Variants in CSMD1 observed in about 807,000 individuals in gnomAD.
The protein encoded by CSMD1 is CUB and Sushi multiple domains 1, also known as CUB and sushi domain-containing protein 1.
Under a neutral mutation model 417.5 loss-of-function variants are expected in CSMD1, and 213 were observed. That is an observed-to-expected ratio of 0.51 (90% CI 0.46 to 0.57). CSMD1 has a LOEUF of 0.57. CSMD1 is among the 20% of genes least tolerant of loss of function. The probability of loss-of-function intolerance (pLI) is 0.00; values close to 1 mark genes in which losing one functional copy is unlikely to be tolerated. For synonymous variants in CSMD1, 2,862 were observed against 1,736.8 expected (o/e 1.65, Z -16.11); for missense variants, 6,923 against 4,529.7 (o/e 1.53, Z -15.17).
rs1019595083 is a variant in CSMD1 at position 3,154,760 on chromosome 8, T to C, written c.5914+3137A>G. ...GTTAAATTCTGAGAACACTGCTTGATATATTAACCTCTAGAGAAGTGGTTT... is the reference window on the plus strand; with the variant it reads ...GTTAAATTCTGAGAACACTGCTTGACATATTAACCTCTAGAGAAGTGGTTT... On this transcript the variant is annotated intron_variant, in intron 39 of 69. Coordinates refer to ENST00000635120, the MANE Select transcript of CSMD1 (RefSeq NM_033225.6). Among the ~76,000 whole-genome samples the C allele has an allele frequency of 1.1e-4, 16 of 152,308 alleles. 1 individual carries two copies. The highest frequency in any genetic ancestry group is 3.4e-3 in the Middle Eastern group (1 of 294).
At chr8:3,012,208 T>G (rs1361932715) in intron 52 of CSMD1, among the ~76,000 whole-genome samples, 3 of 152,184 alleles carry the variant, frequency 2.0e-5, no homozygotes, top group African/African-American at 4.8e-5. Context: ...ACATGCACAC[T>G]CCAATTTCTC....
At chr8:4,008,531 G>C (rs1051993501) in intron 4 of CSMD1, among the ~76,000 whole-genome samples, 6 of 142,366 alleles carry the variant, frequency 4.2e-5, no homozygotes, top group Non-Finnish European at 9.1e-5. Flanking sequence ...ATTGTTGAAA[G>C]TTACAGATAA....
chr8:3,445,644 G>A (rs1815256621), intron 12 of CSMD1, among the ~76,000 whole-genome samples: 1 of 152,128 alleles, frequency 6.6e-6, no homozygotes, highest in South Asian at 2.1e-4. Context: ...GGAGACAGCT[G>A]TAATAACCAA....
chr8:4,271,501 C>G (rs955771253), intron 3 of CSMD1, among the ~76,000 whole-genome samples: 20 of 151,562 alleles, frequency 1.3e-4, no homozygotes, highest in Admixed American at 1.3e-3. Flanking sequence ...AAAACTGCAT[C>G]AAAATCAGGA....
chr8:3,620,538 C>G (rs1802373556), intron 7 of CSMD1, among the ~76,000 whole-genome samples: 1 of 151,968 alleles, frequency 6.6e-6, no homozygotes, highest in South Asian at 2.1e-4. Context: ...AGGGAGCAGA[C>G]TTGTAAGGAT....
At chr8:3,899,502 C>T (rs184967278) in intron 5 of CSMD1, among the ~76,000 whole-genome samples, 9 of 152,112 alleles carry the variant, frequency 5.9e-5, no homozygotes, top group Non-Finnish European at 1.0e-4. Flanking sequence ...CTGGAAGGAC[C>T]CTCATTTTGG....
intron 3 of CSMD1, among the ~76,000 whole-genome samples, chr8:4,297,375 T>C (rs1244008687): frequency 6.6e-6 from 1 of 152,104 alleles, no homozygotes; most frequent in Non-Finnish European, 1.5e-5. Context: ...GATGCAGACG[T>C]TCAGCGTACT....
intron 5 of CSMD1, among the ~76,000 whole-genome samples, chr8:3,933,667 T>C (rs62481577): frequency 0.22 from 32,741 of 152,180 alleles, 3,694 homozygotes; most frequent in Non-Finnish European, 0.26. Context: ...ACAGTTATTA[T>C]TTTACAAAAT....
intron 26 of CSMD1, among the ~76,000 whole-genome samples, chr8:3,232,289 C>G (rs901195633): frequency 6.6e-6 from 1 of 152,172 alleles, no homozygotes; most frequent in Non-Finnish European, 1.5e-5. Context: ...TTATATGTTG[C>G]AAGTTCTGTG....
chr8:3,631,157 C>G lies in CSMD1; in HGVS notation c.1010-14360G>C, dbSNP rs948025013. ...CTGCAAAATGGCCCTCCCTGTGCAC[C>G]CTGGCTAAACCGGCAGGACTCCTTC... On this transcript the variant is annotated intron_variant, in intron 7 of 69. Coordinates refer to ENST00000635120, the MANE Select transcript of CSMD1 (RefSeq NM_033225.6). Among the ~76,000 whole-genome samples the G allele has an allele frequency of 3.3e-5, 5 of 152,176 alleles. 1 individual carries two copies. The highest frequency in any genetic ancestry group is 2.0e-4 in the Admixed American group (3 of 15,278).
chr8:4,744,438 G>C (rs1042232362), intron 1 of CSMD1, among the ~76,000 whole-genome samples: 4 of 152,142 alleles, frequency 2.6e-5, no homozygotes, highest in East Asian at 3.9e-4. Context: ...CCAATCCTGG[G>C]TCTGCGGCAC....
At chr8:3,116,215 A>G (rs892825280) in intron 42 of CSMD1, among the ~76,000 whole-genome samples, 14 of 152,228 alleles carry the variant, frequency 9.2e-5, no homozygotes, top group African/African-American at 3.1e-4. Flanking sequence ...AATCCTTTAT[A>G]TAGGTCCTCT....
chr8:4,061,078 G>C (rs955969738), intron 3 of CSMD1, among the ~76,000 whole-genome samples: 1 of 152,050 alleles, frequency 6.6e-6, no homozygotes, highest in Admixed American at 6.5e-5. Flanking sequence ...TAATTTGTTT[G>C]TTGTATTATT....
chr8:3,149,355 T>A (rs142597841), intron 40 of CSMD1, among the ~76,000 whole-genome samples: 18 of 152,348 alleles, frequency 1.2e-4, no homozygotes, highest in African/African-American at 3.4e-4. Context: ...GTGACAAACA[T>A]TTGGAAGAAT....
chr8:4,155,636 G>C (rs1245087608), intron 3 of CSMD1, among the ~76,000 whole-genome samples: 5 of 152,078 alleles, frequency 3.3e-5, no homozygotes, highest in Non-Finnish European at 4.4e-5. Context: ...CTCTTGGTTA[G>C]CTGATGACAT....
At chr8:4,889,884 G>A (rs1215717850) in intron 1 of CSMD1, among the ~76,000 whole-genome samples, 1 of 152,128 alleles carries the variant, frequency 6.6e-6, no homozygotes, top group Non-Finnish European at 1.5e-5. Flanking sequence ...GAATCAAAAT[G>A]TATAGCAATT....
At chr8:4,215,814 A>G (rs1230977165) in intron 3 of CSMD1, among the ~76,000 whole-genome samples, 2 of 152,144 alleles carry the variant, frequency 1.3e-5, no homozygotes, top group African/African-American at 4.8e-5. Context: ...TGGCACTAAC[A>G]TTTCAAAGAA....
At chr8:4,390,029 A>C (rs1585000729) in intron 3 of CSMD1, among the ~76,000 whole-genome samples, 1 of 152,328 alleles carries the variant, frequency 6.6e-6, no homozygotes, top group Non-Finnish European at 1.5e-5. Context: ...TGCTTTTCAC[A>C]AATTGCTATA....
chr8:3,245,299 C>G (rs115206284), intron 26 of CSMD1, among the ~76,000 whole-genome samples: 1 of 152,098 alleles, frequency 6.6e-6, no homozygotes, highest in African/African-American at 2.4e-5. Context: ...CAGTTCCTTC[C>G]GGTACCTGGG....
Sources: gnomAD v4.1 joint callset for allele counts (sites outside exome capture counted in the v4.1 genomes callset) on GRCh38, gnomAD v4.1.1 for gene constraint, MANE v1.5 for transcripts, NCBI Gene and HGNC (gene_info 2026-07-23, HGNC 2026-07-21) for gene names.